Variants in BRCA2 observed in about 807,000 individuals in gnomAD.
The protein encoded by BRCA2 is BRCA2 DNA repair associated.
BRCA2 carries 203 observed loss-of-function variants against 276.7 expected under a neutral mutation model. That is an observed-to-expected ratio of 0.73 (90% CI 0.65 to 0.82). The LOEUF (loss-of-function observed/expected upper bound fraction) is 0.82, where lower values mean the gene tolerates loss of function less well. Ranked by LOEUF, BRCA2 falls within the 40% of genes least tolerant of loss-of-function variation. BRCA2 has a pLI of 0.00. For synonymous variants in BRCA2, 1,289 were observed against 1,338.4 expected (o/e 0.96, Z 0.81); for missense variants, 3,920 against 3,915.0 (o/e 1.00, Z -0.03).
chr13:32,385,459 A>G, intron 24 of BRCA2: 1 of 213,748 alleles, frequency 4.7e-6, no homozygotes, highest in East Asian at 1.1e-4. Context: ...TTCTTACTGA[A>G]GAGAAGACTT....
intron 3 of BRCA2, among the ~76,000 whole-genome samples, chr13:32,322,356 C>T (rs1442959355): frequency 6.6e-6 from 1 of 152,118 alleles, no homozygotes; most frequent in African/African-American, 2.4e-5. Context: ...AGAAATATAG[C>T]GGTGTGGAGT....
At chr13:32,364,363 A>G (rs1479914169) in intron 18 of BRCA2, among the ~76,000 whole-genome samples, 1 of 152,154 alleles carries the variant, frequency 6.6e-6, no homozygotes, top group Non-Finnish European at 1.5e-5. Context: ...CCAAGAGGCA[A>G]TCGTTTCCAG....
At chr13:32,367,279 T>C (rs1251229426) in intron 18 of BRCA2, among the ~76,000 whole-genome samples, 1 of 150,938 alleles carries the variant, frequency 6.6e-6, no homozygotes, top group Non-Finnish European at 1.5e-5. Flanking sequence ...TACTAAAAAA[T>C]ACAAAAATTA....
rs2137601333 is a variant in BRCA2, at chr13:32,371,119, T to C, written c.8632+19T>C. On this transcript the variant is annotated intron_variant, in intron 20 of 26. Transcript: ENST00000380152. Reference sequence around the variant, plus strand: ...CATGAAGGTAAAATTAGTTATATGGTACACATTGTTATTTCTAATATGAGA... The same window carrying C: ...CATGAAGGTAAAATTAGTTATATGGCACACATTGTTATTTCTAATATGAGA... The C allele has an allele frequency of 1.9e-6, 3 of 1,609,298 alleles. No individual in the cohort carries two copies. The highest frequency in any genetic ancestry group is 2.6e-6 in the Non-Finnish European group (3 of 1,176,052).
intron 11 of BRCA2, among the ~76,000 whole-genome samples, chr13:32,341,914 A>G (rs912946594): frequency 6.6e-6 from 1 of 151,708 alleles, no homozygotes; most frequent in Non-Finnish European, 1.5e-5. Flanking sequence ...TTACTGGGTA[A>G]TATATACTAC....
At chr13:32,348,602 G>A (rs912341946) in intron 13 of BRCA2, among the ~76,000 whole-genome samples, 1 of 152,172 alleles carries the variant, frequency 6.6e-6, no homozygotes, top group Non-Finnish European at 1.5e-5. Flanking sequence ...TCTGAATTAA[G>A]TGTGAGGGTA....
rs761287335 is a variant in BRCA2 at position 32,397,670 on chromosome 13, C to T, written c.9649-492C>T. On this transcript the variant is annotated intron_variant, in intron 26 of 26. Transcript: ENST00000380152. ...TTGTTTGACTTAAAGTCACAGTTTC[C>T]GAGAACCTATCAATTATGTTAAGTG... is the stretch of plus-strand genomic sequence containing the variant. Among the ~76,000 whole-genome samples the T allele has an allele frequency of 7.6e-4, 115 of 152,146 alleles. 1 individual carries two copies. Among genetic ancestry groups the T allele is most frequent in the Non-Finnish European group, 1.4e-3 (94 of 67,996 alleles).
chr13:32,322,261 T>C (rs192559645), intron 3 of BRCA2, among the ~76,000 whole-genome samples: 13 of 152,338 alleles, frequency 8.5e-5, no homozygotes, highest in African/African-American at 3.1e-4. Flanking sequence ...ATTTTCAGAC[T>C]GGCTTCTTTC....
rs1186229959 is a variant in BRCA2 at position 32,332,390 on chromosome 13, A to G, written c.912A>G (p.Glu304=). The change falls in exon 10 of 27, where the codon GAA becomes GAG. Residue 304 remains glutamate, a synonymous_variant. Transcript: ENST00000380152. The part of the protein sequence containing the change: ...EVYETVVDTS[E]EDSFSLCFSK... ...ATGAAACAGTTGTAGATACCTCTGA[A>G]GAAGATAGTTTTTCATTATGTTTTT... is the stretch of plus-strand genomic sequence containing the variant. 1 of 1,592,226 alleles carries G rather than the reference A, an allele frequency of 6.3e-7. No individual in the cohort carries two copies. The highest frequency in any genetic ancestry group is 1.4e-5 in the African/African-American group (1 of 73,716).
rs200185407 is a variant in BRCA2, at chr13:32,338,909, A to G, written c.4554A>G (p.Glu1518=). ...GQPERDEKIK[E]PTLLGFHTAS... ...CCGAACGTGATGAAAAGATCAAAGA[A>G]CCTACTCTATTGGGTTTTCATACAG... Residue 1518 remains glutamate, a synonymous_variant, in exon 11 of 27, where the codon GAA becomes GAG. Transcript: ENST00000380152. 1 of 1,614,010 alleles carries G rather than the reference A, an allele frequency of 6.2e-7. No individual in the cohort carries two copies. The highest frequency in any genetic ancestry group is 8.5e-7 in the Non-Finnish European group (1 of 1,179,922).
At chr13:32,380,452 T>A (rs2072916633) in intron 24 of BRCA2, among the ~76,000 whole-genome samples, 1 of 152,112 alleles carries the variant, frequency 6.6e-6, no homozygotes, top group East Asian at 1.9e-4. Flanking sequence ...ATTGTGATGT[T>A]ATATTGGTGT....
At chr13:32,317,658 C>CATTA (rs769513494) in intron 2 of BRCA2, among the ~76,000 whole-genome samples, 31 of 152,298 alleles carry the variant, frequency 2.0e-4, no homozygotes, top group Non-Finnish European at 3.2e-4. Flanking sequence ...AAATCTCATT[C>CATTA]ATTAATACCA....
rs80358761 is a variant in BRCA2, at chr13:32,326,521, T to C, written c.539T>C (p.Ile180Thr). ...FVKGRQTPKH[I>T]SESLGAEVDP... Reference sequence around the variant, plus strand: ...CAGGGTCGTCAGACACCAAAACATATTTCTGAAAGTCTAGGAGCTGAGGTG... The same window carrying C: ...CAGGGTCGTCAGACACCAAAACATACTTCTGAAAGTCTAGGAGCTGAGGTG... The change falls in exon 7 of 27, where the codon ATT (isoleucine) becomes ACT (threonine). Residue 180 changes from isoleucine to threonine, a missense_variant. By Grantham distance (89) the Ile-to-Thr change is moderately conservative (BLOSUM62 -1). Coordinates refer to ENST00000380152, the MANE Select transcript of BRCA2 (RefSeq NM_000059.4). 1.2e-6 allele frequency: 2 copies of C among 1,613,618 alleles called. No individual in the cohort carries two copies. Among genetic ancestry groups the C allele is most frequent in the Non-Finnish European group, 1.7e-6 (2 of 1,179,600 alleles).
At chr13:32,324,013 A>G (rs1482165537) in intron 3 of BRCA2, among the ~76,000 whole-genome samples, 2 of 152,242 alleles carry the variant, frequency 1.3e-5, no homozygotes, top group Non-Finnish European at 2.9e-5. Flanking sequence ...TACTGTCTGC[A>G]ACTCACTTTG....
chr13:32,354,516 G>A (rs896296127), intron 13 of BRCA2, among the ~76,000 whole-genome samples: 2 of 152,118 alleles, frequency 1.3e-5, no homozygotes, highest in African/African-American at 4.8e-5. Flanking sequence ...GGTATTAGGC[G>A]GAGTAGAGAG....
Position 32,356,398 on chromosome 13 carries a change from T to C in BRCA2, c.7436-30T>C, listed in dbSNP as rs925773518. 3 of 1,604,792 alleles carry C rather than the reference T, an allele frequency of 1.9e-6. No homozygotes were observed. In the African/African-American group the frequency reaches 4.0e-5, roughly 21 times the overall value. On this transcript the variant is annotated intron_variant, in intron 14 of 26. Transcript: ENST00000380152. ...GGTTGTGCTTTTTAAATTTCAATTT[T>C]ATTTTTGCTAAGTATTTATTCTTTG...
rs538892769 is a variant in BRCA2 at position 32,318,332 on chromosome 13, A to G, written c.68-745A>G. On this transcript the variant is annotated intron_variant, in intron 2 of 26. Transcript: ENST00000380152. ...ATTTGTCATTTCCCTTTAAGAGAGAATTCCCATTTTATGTGAGAGTCCACA... is the reference window on the plus strand; with the variant it reads ...ATTTGTCATTTCCCTTTAAGAGAGAGTTCCCATTTTATGTGAGAGTCCACA... 2.6e-5 allele frequency among the ~76,000 whole-genome samples: 4 copies of G among 152,334 alleles called. No homozygotes were observed. In the South Asian group the frequency reaches 8.3e-4, roughly 32 times the overall value.
intron 13 of BRCA2, among the ~76,000 whole-genome samples, chr13:32,352,006 T>G (rs1370738009): frequency 1.3e-5 from 2 of 152,112 alleles, no homozygotes; most frequent in East Asian, 1.9e-4. Flanking sequence ...TTTCACCGTG[T>G]TAGCCAGGAT....
In BRCA2 at chr13:32,338,457, T is replaced by C. The variant is rs759357549; in HGVS notation, c.4102T>C (p.Leu1368=). 2 of 1,611,792 alleles carry C rather than the reference T, an allele frequency of 1.2e-6. No individual in the cohort carries two copies. Among genetic ancestry groups the C allele is most frequent in the South Asian group, 2.2e-5 (2 of 90,172 alleles). ...FTDQHNICLK[L]SGQFMKEGNT... is the part of the protein sequence containing the mutation. ...TGATCAGCACAACATATGTCTTAAA[T>C]TATCTGGCCAGTTTATGAAGGAGGG... Residue 1368 remains leucine (L), a synonymous_variant, in exon 11 of 27, where the codon TTA becomes CTA. Transcript: ENST00000380152.
Sources: allele counts gnomAD v4.1 joint callset (sites outside exome capture counted in the v4.1 genomes callset), GRCh38; gene constraint gnomAD v4.1.1; transcripts MANE v1.5; gene names NCBI Gene and HGNC (gene_info 2026-07-23, HGNC 2026-07-21).